Variants in DCLK1 observed in about 807,000 individuals in gnomAD.
DCLK1 encodes the protein doublecortin like kinase 1, also known as serine/threonine-protein kinase DCLK1.
Under a neutral mutation model 86.2 loss-of-function variants are expected in DCLK1, and 16 were observed. That is an observed-to-expected ratio of 0.19 (90% CI 0.13 to 0.28). The LOEUF is 0.28. Among genes scored for constraint, DCLK1 ranks in the 10% least tolerant of loss-of-function variants. The probability of loss-of-function intolerance (pLI) is 1.00; values close to 1 mark genes in which losing one functional copy is unlikely to be tolerated. For synonymous variants in DCLK1, 369 were observed against 370.5 expected (o/e 1.00, Z 0.05); for missense variants, 590 against 940.2 (o/e 0.63, Z 4.87).
chr13:35,804,481 G>A (rs1402237676), intron 15 of DCLK1, among the ~76,000 whole-genome samples: 1 of 151,166 alleles, frequency 6.6e-6, no homozygotes, highest in Non-Finnish European at 1.5e-5. Context: ...TGTCCAGATT[G>A]GAGTACAGTG....
At chr13:35,933,055 T>C (rs931231784) in intron 4 of DCLK1, among the ~76,000 whole-genome samples, 3 of 152,060 alleles carry the variant, frequency 2.0e-5, no homozygotes, top group Non-Finnish European at 2.9e-5. Flanking sequence ...ATGGGAGAAA[T>C]TGGCCAAAAC....
intron 6 of DCLK1, chr13:35,850,534 A>C: frequency 8.0e-7 from 1 of 1,255,836 alleles, no homozygotes; most frequent in Non-Finnish European, 1.0e-6. Flanking sequence ...ATTTTTAAAA[A>C]TCTCTCAATT....
At chr13:35,834,941 AAG>A (rs1869248743) in intron 8 of DCLK1, among the ~76,000 whole-genome samples, 1 of 152,164 alleles carries the variant, frequency 6.6e-6, no homozygotes. Flanking sequence ...GCAGCTTCCA[AAG>A]AGCCGCAAGG....
chr13:35,987,648 A>T (rs1177013081), intron 3 of DCLK1, among the ~76,000 whole-genome samples: 1 of 152,144 alleles, frequency 6.6e-6, no homozygotes, highest in Non-Finnish European at 1.5e-5. Flanking sequence ...AATGACCCTG[A>T]GGGGCACCAC....
intron 11 of DCLK1, among the ~76,000 whole-genome samples, chr13:35,821,397 C>T (rs1286592332): frequency 6.6e-6 from 1 of 152,044 alleles, no homozygotes; most frequent in East Asian, 1.9e-4. Flanking sequence ...TTGTGGATTT[C>T]TGCAAGCTGT....
intron 3 of DCLK1, among the ~76,000 whole-genome samples, chr13:36,067,503 A>C (rs948428283): frequency 4.7e-5 from 7 of 150,494 alleles, no homozygotes; most frequent in Admixed American, 2.0e-4. Flanking sequence ...GCACATGTAT[A>C]CATATGTAAC....
intron 3 of DCLK1, among the ~76,000 whole-genome samples, chr13:36,089,285 T>C (rs1884732127): frequency 6.6e-6 from 1 of 152,196 alleles, no homozygotes; most frequent in Admixed American, 6.5e-5. Context: ...AAACCTCACA[T>C]TACAAACTGT....
At chr13:35,857,410 T>TC (rs746791049) in intron 5 of DCLK1, among the ~76,000 whole-genome samples, 2 of 151,954 alleles carry the variant, frequency 1.3e-5, no homozygotes, top group Middle Eastern at 3.2e-3. Context: ...CAACACCTCT[T>TC]CCCAACTCCT....
chr13:35,849,073 T>C (rs1431557761), intron 6 of DCLK1: 1 of 985,236 alleles, frequency 1.0e-6, no homozygotes, highest in Non-Finnish European at 1.2e-6. Context: ...GAAGTGTCTT[T>C]CTCTCCAACA....
chr13:35,769,253 A>C lies in DCLK1; in HGVS notation c.*5282T>G, dbSNP rs1012912893. The C allele has an allele frequency of 6.6e-6, 1 of 152,210 alleles. No homozygotes were observed. Among genetic ancestry groups the C allele is most frequent in the African/African-American group, 2.4e-5 (1 of 41,444 alleles). 9.4% of individuals were successfully genotyped at this position (152,210 alleles called of 1,614,324 possible). A position where few individuals can be genotyped will look rare whatever the true frequency, so the allele number is the denominator to read the frequency against. ...CCTATGCCATCTGATCCATGCAGCA[A>C]GTGATAAATTCAGTATTTTCAAAAG... On this transcript the variant is annotated 3_prime_UTR_variant, in exon 17 of 17. Coordinates refer to ENST00000360631, the MANE Select transcript of DCLK1 (RefSeq NM_001330071.2).
chr13:35,850,875 C>G lies in DCLK1; in HGVS notation c.1035+3624G>C, dbSNP rs186643624. 8.7e-6 allele frequency: 9 copies of G among 1,030,994 alleles called. No homozygotes were observed. The African/African-American group carries it at 1.5e-4, about 17-fold the overall frequency. The allele number at this position is 1,030,994 out of a possible 1,614,324, so 63.9% of individuals were successfully genotyped here. ...ACTGAATGGGCATCCCCAGTTTCTACTATTATTAGACCTTTTCAAGTCACC... is the reference window on the plus strand; with the variant it reads ...ACTGAATGGGCATCCCCAGTTTCTAGTATTATTAGACCTTTTCAAGTCACC... On this transcript the variant is annotated intron_variant, in intron 6 of 16. Transcript: ENST00000360631.
intron 14 of DCLK1, among the ~76,000 whole-genome samples, chr13:35,807,476 G>A (rs747140322): frequency 1.5e-4 from 23 of 152,296 alleles, no homozygotes; most frequent in African/African-American, 9.6e-5. Flanking sequence ...TTCAACCTAC[G>A]TTGAGGTTGA....
intron 2 of DCLK1, among the ~76,000 whole-genome samples, 182 bp downstream of exon 2, chr13:36,125,580 T>C (rs1227685766): frequency 1.3e-5 from 2 of 152,164 alleles, no homozygotes; most frequent in Non-Finnish European, 2.9e-5. Context: ...TACCTGACAA[T>C]ACCATTAATT....
chr13:36,008,706 C>T (rs1214068161), intron 3 of DCLK1, among the ~76,000 whole-genome samples: 1 of 150,170 alleles, frequency 6.7e-6, no homozygotes, highest in African/African-American at 2.4e-5. Flanking sequence ...GTCTTTATAG[C>T]AGCATGATTT....
At chr13:35,838,074 A>C (rs1283516833) in intron 7 of DCLK1, among the ~76,000 whole-genome samples, 1 of 151,324 alleles carries the variant, frequency 6.6e-6, no homozygotes, top group African/African-American at 2.4e-5. Context: ...TCAAAAAAAA[A>C]AAGAAAAGAA....
intron 3 of DCLK1, among the ~76,000 whole-genome samples, chr13:36,003,710 T>G (rs1368570451): frequency 6.6e-6 from 1 of 152,178 alleles, no homozygotes; most frequent in Non-Finnish European, 1.5e-5. Context: ...AGTCAAAGGT[T>G]ACAAAAGGCT....
intron 3 of DCLK1, among the ~76,000 whole-genome samples, chr13:35,953,165 A>C (rs1452654316): frequency 6.6e-6 from 1 of 152,220 alleles, no homozygotes; most frequent in African/African-American, 2.4e-5. Flanking sequence ...TTCAACTCTG[A>C]AAGAGACAAA....
intron 3 of DCLK1, among the ~76,000 whole-genome samples, chr13:36,060,555 T>C (rs1362536780): frequency 6.6e-6 from 1 of 152,218 alleles, no homozygotes; most frequent in Non-Finnish European, 1.5e-5. Context: ...TTACATGCTG[T>C]TGTGTGTCCT....
chr13:35,966,810 A>G (rs1483295605), intron 3 of DCLK1, among the ~76,000 whole-genome samples: 3 of 151,786 alleles, frequency 2.0e-5, no homozygotes, highest in Non-Finnish European at 4.4e-5. Context: ...TCAGCGCTCA[A>G]TGTTGCCCAG....
Sources: allele counts gnomAD v4.1 joint callset (sites outside exome capture counted in the v4.1 genomes callset), GRCh38; gene constraint gnomAD v4.1.1; transcripts MANE v1.5; gene names NCBI Gene and HGNC (gene_info 2026-07-23, HGNC 2026-07-21).